ITPRID1: variants seen among roughly 807,000 people sequenced by gnomAD.
ITPRID1 encodes the protein ITPR interacting domain containing 1.
A neutral mutation model predicts 95.4 loss-of-function variants in ITPRID1; 96 were observed. The ratio of observed to expected loss-of-function variants is 1.01; its 90% CI spans 0.85 to 1.19. ITPRID1 has a LOEUF of 1.19. ITPRID1 is among the 50% of genes most tolerant of loss of function. The pLI, the probability that ITPRID1 is intolerant of heterozygous loss-of-function variation, is 0.00. For missense variants in ITPRID1, 1,339 were observed against 1,252.9 expected, an observed-to-expected ratio of 1.07 and a Z score of -1.04; for synonymous variants, 510 against 453.6, an observed-to-expected ratio of 1.12 and a Z score of -1.58.
chr7:31,609,577 A>C (rs1243394539), intron 10 of ITPRID1, among the ~76,000 whole-genome samples: 1 of 151,462 alleles, frequency 6.6e-6, no homozygotes, highest in Admixed American at 6.6e-5. Flanking sequence ...AGAGTCATCT[A>C]ATTTGTCATT....
At chr7:31,593,541 A>G (rs1296727086) in intron 10 of ITPRID1, among the ~76,000 whole-genome samples, 1 of 152,246 alleles carries the variant, frequency 6.6e-6, no homozygotes, top group Non-Finnish European at 1.5e-5. Flanking sequence ...CACTTATTAC[A>G]TTAGCAAATA....
intron 10 of ITPRID1, among the ~76,000 whole-genome samples, chr7:31,623,945 A>T (rs1186259109): frequency 6.7e-6 from 1 of 149,780 alleles, no homozygotes. Flanking sequence ...AAATCAATGT[A>T]CAAAAATCAC....
intron 12 of ITPRID1, among the ~76,000 whole-genome samples, chr7:31,645,890 C>A (rs1391129070): frequency 6.6e-6 from 1 of 152,048 alleles, no homozygotes; most frequent in Non-Finnish European, 1.5e-5. Context: ...GGCTGTAAAA[C>A]TCAGCTCTAA....
At chr7:31,530,804 G>T (rs77317961) in intron 1 of ITPRID1, among the ~76,000 whole-genome samples, 1,491 of 144,126 alleles carry the variant, frequency 0.01, 30 homozygotes, top group African/African-American at 0.036. Context: ...AGAGTTCATT[G>T]TTTGTTTCAT....
intron 10 of ITPRID1, among the ~76,000 whole-genome samples, chr7:31,615,452 G>T (rs1161504850): frequency 6.6e-6 from 1 of 152,096 alleles, no homozygotes; most frequent in Non-Finnish European, 1.5e-5. Flanking sequence ...GCAGTAAATG[G>T]CAGTTAGTTA....
At chr7:31,532,411 A>G (rs1309568094) in intron 1 of ITPRID1, among the ~76,000 whole-genome samples, 1 of 152,216 alleles carries the variant, frequency 6.6e-6, no homozygotes. Context: ...TGATGAGAGC[A>G]GACATCCTTG....
At chr7:31,592,768 AT>A (rs1406619250) in intron 10 of ITPRID1, among the ~76,000 whole-genome samples, 1 of 152,192 alleles carries the variant, frequency 6.6e-6, no homozygotes, top group Non-Finnish European at 1.5e-5. Context: ...CTAATAGGCC[AT>A]GGACTGAAGC....
At chr7:31,611,259 C>T (rs901335373) in intron 10 of ITPRID1, among the ~76,000 whole-genome samples, 11 of 151,162 alleles carry the variant, frequency 7.3e-5, no homozygotes, top group South Asian at 2.1e-4. Context: ...CCCTCCTTTG[C>T]GGTATTATTG....
chr7:31,642,519 C>T (rs899243257), intron 11 of ITPRID1, among the ~76,000 whole-genome samples, 163 bp from the exon 12 acceptor site: 5 of 152,162 alleles, frequency 3.3e-5, no homozygotes, highest in Non-Finnish European at 7.4e-5. Flanking sequence ...GCTGAGCCTC[C>T]TAGAGAGGAG....
chr7:31,599,789 G>A lies in ITPRID1; in HGVS notation c.1228+16598G>A, dbSNP rs1210679670. Among the ~76,000 whole-genome samples the A allele has an allele frequency of 2.2e-4, 33 of 150,378 alleles. 1 individual carries two copies. Among genetic ancestry groups the A allele is most frequent in the Admixed American group, 6.7e-5 (1 of 15,018 alleles). ...CGATCTCAGCTCACTGAACCCTCCC[G>A]GATTCAGGCCATTCTCCTGCCTCAG... On this transcript the variant is annotated intron_variant, in intron 10 of 14. Coordinates refer to ENST00000615280, the MANE Select transcript of ITPRID1 (RefSeq NM_001257967.3).
intron 3 of ITPRID1, 55 bp downstream of exon 3, chr7:31,553,242 T>C (rs1583489513): frequency 2.0e-6 from 3 of 1,486,340 alleles, no homozygotes; most frequent in Non-Finnish European, 2.7e-6. Context: ...TGGTGAGGGA[T>C]GTGGGAGCTT....
At chr7:31,533,878 G>T (rs964335838) in intron 1 of ITPRID1, among the ~76,000 whole-genome samples, 3 of 152,004 alleles carry the variant, frequency 2.0e-5, no homozygotes, top group African/African-American at 7.2e-5. Flanking sequence ...AGATGGTCTA[G>T]GTCAGGGGTC....
rs1052624634 is a variant in ITPRID1, at chr7:31,655,432, C to G, written c.*2603C>G. Among the ~76,000 whole-genome samples, 1 of 152,210 alleles carries G rather than the reference C, an allele frequency of 6.6e-6. No homozygotes were observed. The highest frequency in any genetic ancestry group is 2.4e-5 in the African/African-American group (1 of 41,456). On this transcript the variant is annotated 3_prime_UTR_variant, in exon 15 of 15. Transcript: ENST00000615280. ...TAACTGCCTCCAGCCACCTTCTCTC[C>G]AAACTGCACTGGCCTCTGCCAGGTT...
At chr7:31,526,216 A>C (rs1214440762) in intron 1 of ITPRID1, among the ~76,000 whole-genome samples, 1 of 152,212 alleles carries the variant, frequency 6.6e-6, no homozygotes. Flanking sequence ...TCCTTCCTCA[A>C]AATAACTTTA....
chr7:31,636,593 T>C (rs1160912158), intron 10 of ITPRID1, among the ~76,000 whole-genome samples: 2 of 152,146 alleles, frequency 1.3e-5, no homozygotes, highest in East Asian at 1.9e-4. Flanking sequence ...CTAATGCCTA[T>C]ATAGTCTGGG....
chr7:31,562,160 G>A (rs1043534363), intron 5 of ITPRID1, among the ~76,000 whole-genome samples: 1 of 147,846 alleles, frequency 6.8e-6, no homozygotes, highest in Non-Finnish European at 1.5e-5. Context: ...GATATGCATT[G>A]TCATTACAAT....
intron 5 of ITPRID1, among the ~76,000 whole-genome samples, chr7:31,564,725 C>T (rs1156453864): frequency 1.3e-5 from 2 of 152,178 alleles, no homozygotes; most frequent in Non-Finnish European, 2.9e-5. Context: ...AGGTAGCAGA[C>T]TCAGATGCTT....
At chr7:31,607,593 G>C (rs916938828) in intron 10 of ITPRID1, among the ~76,000 whole-genome samples, 1 of 151,908 alleles carries the variant, frequency 6.6e-6, no homozygotes, top group African/African-American at 2.4e-5. Context: ...TTTTCATTTT[G>C]ACTCTACTGC....
intron 10 of ITPRID1, among the ~76,000 whole-genome samples, chr7:31,596,449 AT>A (rs1786093169): frequency 6.6e-6 from 1 of 151,524 alleles, no homozygotes; most frequent in Admixed American, 6.6e-5. Context: ...AGAGGCAAAA[AT>A]TTTTAAGTAA....
Sources: gnomAD v4.1 joint callset for allele counts (sites outside exome capture counted in the v4.1 genomes callset) on GRCh38, gnomAD v4.1.1 for gene constraint, MANE v1.5 for transcripts, NCBI Gene and HGNC (gene_info 2026-07-23, HGNC 2026-07-21) for gene names.